Variants in AGO1 observed in about 807,000 individuals in gnomAD.
The protein encoded by AGO1 is protein argonaute-1.
Under a neutral mutation model 109.2 loss-of-function variants are expected in AGO1, and 11 were observed. The ratio of observed to expected loss-of-function variants is 0.10; its 90% CI spans 0.06 to 0.17. The LOEUF (loss-of-function observed/expected upper bound fraction) is 0.17, where lower values mean the gene tolerates loss of function less well. Among genes scored for constraint, AGO1 ranks in the 10% least tolerant of loss-of-function variants. AGO1 has a pLI of 1.00. For missense variants in AGO1, 574 were observed against 1,140.3 expected (o/e 0.50, Z 7.15); for synonymous variants, 422 against 418.6 (o/e 1.01, Z -0.10).
chr1:35,890,366 T>C (rs545433821), intron 2 of AGO1, among the ~76,000 whole-genome samples: 1 of 152,330 alleles, frequency 6.6e-6, no homozygotes, highest in South Asian at 2.1e-4. Flanking sequence ...CTTTTCTACA[T>C]ATATACAGGC....
chr1:35,870,537 C>T lies in AGO1; in HGVS notation c.-201+634C>T, dbSNP rs183100707. 2.2e-3 allele frequency among the ~76,000 whole-genome samples: 338 copies of T among 152,320 alleles called. 1 individual carries two copies. The highest frequency in any genetic ancestry group is 7.3e-3 in the African/African-American group (304 of 41,582). ...TGACCTCGTGATCTGCACGCCTCGC[C>T]TCCCAAAGTGCTGGGATTACAGGCG... On this transcript the variant is annotated intron_variant, in intron 1 of 18. Coordinates refer to the AGO1 transcript ENST00000373206.
rs767783185 is a variant in AGO1, at chr1:35,901,468, C to T, written c.1021-6C>T. ...CCAGAGCTACCTGTCCTTCTTGTTTCCTCAGGTCTGTAACATTGTGGCTGG... is the reference window on the plus strand; with the variant it reads ...CCAGAGCTACCTGTCCTTCTTGTTTTCTCAGGTCTGTAACATTGTGGCTGG... On this transcript the variant is annotated splice_region_variant and splice_polypyrimidine_tract_variant and intron_variant, in intron 8 of 18. Transcript: ENST00000373204. This position sits in a 1 kb window ranked among gnomAD's most constrained non-coding sequence, Gnocchi z 4.8. 6.2e-6 allele frequency: 10 copies of T among 1,613,974 alleles called. No homozygotes were observed. Among genetic ancestry groups the T allele is most frequent in the South Asian group, 3.3e-5 (3 of 91,034 alleles).
intron 1 of AGO1, among the ~76,000 whole-genome samples, chr1:35,884,794 C>G (rs1379372604): frequency 6.6e-6 from 1 of 152,140 alleles, no homozygotes; most frequent in African/African-American, 2.4e-5. Flanking sequence ...TTAGGATGGG[C>G]TGTGGGGTGG....
intron 8 of AGO1, among the ~76,000 whole-genome samples, chr1:35,898,803 A>G (rs1266729573): frequency 6.6e-6 from 1 of 152,232 alleles, no homozygotes; most frequent in African/African-American, 2.4e-5. Context: ...TTCCTTGAAT[A>G]GTTATGTAGG....
chr1:35,903,107 C>T (rs933496753), intron 11 of AGO1, among the ~76,000 whole-genome samples: 36 of 150,610 alleles, frequency 2.4e-4, no homozygotes, highest in African/African-American at 5.4e-4. Flanking sequence ...CCGGGTTTCA[C>T]GCCATTCTCC....
intron 15 of AGO1, among the ~76,000 whole-genome samples, chr1:35,916,025 C>T (rs1415131124): frequency 7.0e-6 from 1 of 143,268 alleles, no homozygotes; most frequent in Non-Finnish European, 1.5e-5. Context: ...CACTGCCAGC[C>T]TTCATTTTTT....
In AGO1 at chr1:35,883,435, C is replaced by T; in HGVS notation, c.14C>T (p.Pro5Leu). 1 of 1,570,800 alleles carries T rather than the reference C, an allele frequency of 6.4e-7. No homozygotes were observed. The highest frequency in any genetic ancestry group is 8.6e-7 in the Non-Finnish European group (1 of 1,161,714). MEAG[P>L]SGAAAGAYLP... is the part of the protein sequence containing the mutation. The stretch of plus-strand genomic sequence containing the variant: ...CGGGTATATGGGATGGAAGCGGGAC[C>T]CTCGGGAGCAGGTAAGGGTCCCCAG... The change falls in exon 1 of 19, where the codon CCC (proline) becomes CTC (leucine). Residue 5 changes from proline to leucine, a missense_variant. By Grantham distance (98) the Pro-to-Leu change is moderately conservative (BLOSUM62 -3). Transcript: ENST00000373204. This position sits in a 1 kb window ranked among gnomAD's most constrained non-coding sequence, Gnocchi z 5.4.
intron 8 of AGO1, among the ~76,000 whole-genome samples, chr1:35,897,038 C>T (rs538378008): frequency 6.6e-6 from 1 of 152,308 alleles, no homozygotes; most frequent in South Asian, 2.1e-4. Context: ...CGAGCTCCTA[C>T]TATGTGTCAT....
At chr1:35,885,366 T>C (rs1168099155) in intron 1 of AGO1, among the ~76,000 whole-genome samples, 4 of 152,184 alleles carry the variant, frequency 2.6e-5, no homozygotes, top group Non-Finnish European at 5.9e-5. Context: ...TTTAAAAATT[T>C]GTTACAAAAA....
rs1335834890 is a variant in AGO1 at position 35,876,676 on chromosome 1, C to T, written c.-201+6773C>T. Reference sequence around the variant, plus strand: ...TGTCAACAATATATTTAGAATATTGCATAAACCTAGTTGATATGGCAGTGA... The same window carrying T: ...TGTCAACAATATATTTAGAATATTGTATAAACCTAGTTGATATGGCAGTGA... On this transcript the variant is annotated intron_variant, in intron 1 of 18. Coordinates refer to the AGO1 transcript ENST00000373206. 2.6e-5 allele frequency among the ~76,000 whole-genome samples: 4 copies of T among 152,292 alleles called. No individual in the cohort carries two copies. The East Asian group carries it at 7.7e-4, about 29-fold the overall frequency.
In AGO1 at chr1:35,930,201, C is replaced by T. The variant is rs1360124812; in HGVS notation, c.*10594C>T. ...CAGACTGGGCAAAGGGCTACCAAGG[C>T]AATACTGTAGTAGACTAACAGGTGC... On this transcript the variant is annotated 3_prime_UTR_variant, in exon 19 of 19. Transcript: ENST00000373204. 1 of 152,072 alleles carries T rather than the reference C, an allele frequency of 6.6e-6. No homozygotes were observed. The allele number at this position is 152,072 out of a possible 1,614,324, so 9.4% of individuals were successfully genotyped here.
chr1:35,918,381 A>G lies in AGO1; in HGVS notation c.2223A>G (p.Pro741=), dbSNP rs760440138. The change falls in exon 17 of 19, where the codon CCA becomes CCG. Residue 741 remains proline, a synonymous_variant. Transcript: ENST00000373204. ...GTTVDTNITH[P]FEFDFYLCSH... ...CAGTGGACACCAACATCACCCACCC[A>G]TTTGAGTTTGACTTCTATCTGTGCA... 22 of 1,614,006 alleles carry G rather than the reference A, an allele frequency of 1.4e-5. No homozygotes were observed. The African/African-American group carries it at 2.7e-4, about 20-fold the overall frequency.
At chr1:35,869,973 C>T (rs1005018331) in intron 1 of AGO1, 1 of 152,096 alleles carries the variant, frequency 6.6e-6, no homozygotes, top group Admixed American at 6.5e-5. Context: ...GGCTCAAGAG[C>T]GTGGGGAACG....
Position 35,930,129 on chromosome 1 carries a change from C to G in AGO1, c.*10522C>G, listed in dbSNP as rs1366804179. ...ATATTTATTAAGGACCTAATATTTG[C>G]CTGACATTCAAGTGAGGTGGGGGGC... On this transcript the variant is annotated 3_prime_UTR_variant, in exon 19 of 19. Transcript: ENST00000373204. The G allele has an allele frequency of 6.6e-6, 1 of 152,088 alleles. No individual in the cohort carries two copies. The highest frequency in any genetic ancestry group is 1.5e-5 in the Non-Finnish European group (1 of 68,020). The allele number at this position is 152,088 out of a possible 1,614,324, so 9.4% of individuals were successfully genotyped here.
rs115659170 is a variant in AGO1, at chr1:35,906,320, G to C, written c.1398-615G>C. 4.5e-3 allele frequency among the ~76,000 whole-genome samples: 692 copies of C among 152,254 alleles called. 10 individuals carry two copies. Among genetic ancestry groups the C allele is most frequent in the African/African-American group, 0.016 (653 of 41,550 alleles). On this transcript the variant is annotated intron_variant, in intron 11 of 18. Coordinates refer to ENST00000373204, the MANE Select transcript of AGO1 (RefSeq NM_012199.5). ...CACGTGGGCATCTGCCTATTTCTTT[G>C]GACATGTAATGAAGCACAGGAATCA...
chr1:35,888,566 C>T lies in AGO1; in HGVS notation c.165C>T (p.Tyr55=), dbSNP rs143228790. The T allele has an allele frequency of 2.5e-3, 4,048 of 1,614,206 alleles. 80 individuals are homozygous for T. The South Asian group carries it at 0.035, about 14-fold the overall frequency. ...TCCCTAAGATCGACGTGTACCACTA[C>T]GAGGTGGACATCAAGCCGGATAAGT... ...VDIPKIDVYH[Y]EVDIKPDKCP... is the part of the protein sequence containing the mutation. Residue 55 remains tyrosine, a synonymous_variant, in exon 2 of 19, where the codon TAC becomes TAT. Coordinates refer to ENST00000373204, the MANE Select transcript of AGO1 (RefSeq NM_012199.5). The surrounding 1 kb of genome is among the most constrained non-coding windows in gnomAD (Gnocchi z 4.1).
intron 12 of AGO1, among the ~76,000 whole-genome samples, chr1:35,910,133 C>T (rs956353987): frequency 1.4e-5 from 2 of 144,008 alleles, no homozygotes; most frequent in Admixed American, 6.8e-5. Context: ...AGTTCCTAGG[C>T]AATGGAGTCA....
At chr1:35,909,291 C>T (rs1282276096) in intron 12 of AGO1, among the ~76,000 whole-genome samples, 1 of 152,216 alleles carries the variant, frequency 6.6e-6, no homozygotes, top group Admixed American at 6.5e-5. Flanking sequence ...GGAATGATTG[C>T]TGGTTCTGGA....
At chr1:35,878,205 TCCCGAGCAGCTGGGAC>T (rs1482460370), upstream of AGO1, among the ~76,000 whole-genome samples, 2 of 151,950 alleles carry the variant, frequency 1.3e-5, no homozygotes, top group African/African-American at 4.8e-5. Context: ...TGCCTCAGCC[TCCCGAGCAGCTGGGAC>T]TTTAGGCACC....
Sources: gnomAD v4.1 joint callset for allele counts (sites outside exome capture counted in the v4.1 genomes callset) on GRCh38, gnomAD v4.1.1 for gene constraint, Gnocchi (gnomAD v3.1) non-coding constraint, MANE v1.5 for transcripts, NCBI Gene and HGNC (gene_info 2026-07-23, HGNC 2026-07-21) for gene names.